Variants in LRRC37A2 observed in about 807,000 individuals in gnomAD.
LRRC37A2 encodes leucine-rich repeat-containing protein 37A2.
LRRC37A2 carries 9 observed loss-of-function variants against 68.8 expected under a neutral mutation model. The ratio of observed to expected loss-of-function variants is 0.13; its 90% CI spans 0.08 to 0.23. The LOEUF (loss-of-function observed/expected upper bound fraction) is 0.23, where lower values mean the gene tolerates loss of function less well. Among genes scored for constraint, LRRC37A2 ranks in the 10% least tolerant of loss-of-function variants. The probability of loss-of-function intolerance (pLI) is 1.00; values close to 1 mark genes in which losing one functional copy is unlikely to be tolerated. For missense variants in LRRC37A2, 168 were observed against 950.4 expected, an observed-to-expected ratio of 0.18 and a Z score of 10.82; for synonymous variants, 63 against 367.6, an observed-to-expected ratio of 0.17 and a Z score of 9.48.
the LRRC37A2 span, among the ~76,000 whole-genome samples, chr17:46,805,939 T>C: frequency 5.9e-5 from 9 of 152,184 alleles, no homozygotes; most frequent in African/African-American, 1.4e-4. Context: ...TTACCAACCA[T>C]GGAGCCTTCG....
chr17:46,990,966 T>C, the LRRC37A2 span, among the ~76,000 whole-genome samples: 1 of 152,154 alleles, frequency 6.6e-6, no homozygotes, highest in Non-Finnish European at 1.5e-5. Flanking sequence ...CCACCACACC[T>C]GGCCACAGAC....
At chr17:46,908,416 A>C in the LRRC37A2 span, among the ~76,000 whole-genome samples, 1 of 152,128 alleles carries the variant, frequency 6.6e-6, no homozygotes, top group East Asian at 1.9e-4. Context: ...GGAGGCGCTG[A>C]AAATAGGGTA....
the LRRC37A2 span, among the ~76,000 whole-genome samples, chr17:46,903,219 T>C: frequency 6.6e-6 from 1 of 151,882 alleles, no homozygotes; most frequent in South Asian, 2.1e-4. Context: ...AGGTGGAGGT[T>C]GCAGTGAGCC....
At chr17:46,909,895 C>T in the LRRC37A2 span, 95,376 of 152,124 alleles carry the variant, frequency 0.63, 30,221 homozygotes, top group Non-Finnish European at 0.67. Flanking sequence ...GAACTTCCTC[C>T]TTGGAGGCTT....
chr17:46,880,044 T>A, the LRRC37A2 span, among the ~76,000 whole-genome samples: 35 of 152,348 alleles, frequency 2.3e-4, no homozygotes, highest in African/African-American at 6.7e-4. Flanking sequence ...TTCCACTGGA[T>A]TTCTGGCTGC....
At chr17:46,749,987 G>A in the LRRC37A2 span, 2 of 1,471,322 alleles carry the variant, frequency 1.4e-6, no homozygotes, top group South Asian at 2.5e-5. Context: ...ATTATACCTG[G>A]TGTTTGGTTT....
chr17:46,716,240 C>G, the LRRC37A2 span, among the ~76,000 whole-genome samples: 23,206 of 148,228 alleles, frequency 0.16, 3,515 homozygotes, highest in East Asian at 0.61. Context: ...AGTCTACCTC[C>G]CACTACTGTT....
chr17:46,945,480 T>C, the LRRC37A2 span, among the ~76,000 whole-genome samples: 2 of 152,204 alleles, frequency 1.3e-5, no homozygotes, highest in African/African-American at 4.8e-5. Flanking sequence ...ATCCTGACTT[T>C]GCTGTTTATT....
At chr17:46,743,525 C>G in the LRRC37A2 span, among the ~76,000 whole-genome samples, 1 of 152,212 alleles carries the variant, frequency 6.6e-6, no homozygotes, top group Non-Finnish European at 1.5e-5. Flanking sequence ...TACCCCAAAT[C>G]ACACAGCTGT....
At chr17:46,929,208 A>C in the LRRC37A2 span, among the ~76,000 whole-genome samples, 3 of 152,200 alleles carry the variant, frequency 2.0e-5, no homozygotes, top group African/African-American at 7.2e-5. Context: ...AACAAGTTAC[A>C]TAACCTTTCT....
At chr17:46,685,185 T>G in the LRRC37A2 span, among the ~76,000 whole-genome samples, 1 of 146,988 alleles carries the variant, frequency 6.8e-6, no homozygotes, top group Non-Finnish European at 1.5e-5. Flanking sequence ...GGAGAAGCAT[T>G]TTATAACATC....
chr17:46,745,956 C>T, the LRRC37A2 span, among the ~76,000 whole-genome samples: 1 of 152,150 alleles, frequency 6.6e-6, no homozygotes, highest in South Asian at 2.1e-4. Flanking sequence ...TGTCCTTCCC[C>T]TTCATCTTCC....
At chr17:46,861,606 C>T in the LRRC37A2 span, among the ~76,000 whole-genome samples, 1 of 152,204 alleles carries the variant, frequency 6.6e-6, no homozygotes, top group Non-Finnish European at 1.5e-5. Context: ...GCCACACCCA[C>T]CACCTCATGG....
the LRRC37A2 span, among the ~76,000 whole-genome samples, chr17:46,733,982 C>T: frequency 6.6e-6 from 1 of 152,146 alleles, no homozygotes; most frequent in Admixed American, 6.5e-5. Flanking sequence ...AAACTGTCAG[C>T]ATTCTCAGGA....
At chr17:46,493,664 A>G in the LRRC37A2 span, among the ~76,000 whole-genome samples, 5 of 147,516 alleles carry the variant, frequency 3.4e-5, no homozygotes, top group Admixed American at 6.7e-5. Context: ...CAGCCTCCCA[A>G]GTAGCTGGGA....
the LRRC37A2 span, among the ~76,000 whole-genome samples, chr17:46,839,716 T>C: frequency 6.6e-6 from 1 of 152,034 alleles, no homozygotes; most frequent in Non-Finnish European, 1.5e-5. Context: ...GTGTGTGATG[T>C]TCCCTGCCCT....
chr17:46,714,815 A>T, the LRRC37A2 span, among the ~76,000 whole-genome samples: 1 of 152,138 alleles, frequency 6.6e-6, no homozygotes, highest in African/African-American at 2.4e-5. Context: ...TCTTTTATAG[A>T]TATGAACTGA....
the LRRC37A2 span, among the ~76,000 whole-genome samples, chr17:46,893,712 A>G: frequency 6.6e-6 from 1 of 152,158 alleles, no homozygotes; most frequent in African/African-American, 2.4e-5. Flanking sequence ...ATCCTGAAAA[A>G]AACAAACTGG....
At chr17:47,019,592 T>A in the LRRC37A2 span, 1 of 1,457,058 alleles carries the variant, frequency 6.9e-7, no homozygotes, top group Non-Finnish European at 9.6e-7. Context: ...TAGAACCTAG[T>A]CAGGATTCAT....
Sources: allele counts gnomAD v4.1 joint callset (sites outside exome capture counted in the v4.1 genomes callset), GRCh38; gene constraint gnomAD v4.1.1; transcripts MANE v1.5; gene names NCBI Gene and HGNC (gene_info 2026-07-23, HGNC 2026-07-21).